RBM28: variants seen among roughly 807,000 people sequenced by gnomAD.
RBM28 encodes the protein RNA-binding protein 28.
Under a neutral mutation model 98.3 loss-of-function variants are expected in RBM28, and 78 were observed. That is an observed-to-expected ratio of 0.79 (90% CI 0.66 to 0.96). The LOEUF (loss-of-function observed/expected upper bound fraction) is 0.96. Among genes scored for constraint, RBM28 ranks in the 40% least tolerant of loss-of-function variants. The pLI, the probability that RBM28 is intolerant of heterozygous loss-of-function variation, is 0.00. For synonymous variants in RBM28, 306 were observed against 330.9 expected, an observed-to-expected ratio of 0.92 and a Z score of 0.82; for missense variants, 838 against 913.0, an observed-to-expected ratio of 0.92 and a Z score of 1.06.
intron 13 of RBM28, 105 bp downstream of exon 13, chr7:128,323,422 G>T: frequency 7.6e-7 from 1 of 1,311,222 alleles, no homozygotes. Context: ...AGTATGGTCT[G>T]TGACCATACT....
intron 13 of RBM28, among the ~76,000 whole-genome samples, chr7:128,322,136 T>C (rs1224649146): frequency 6.6e-6 from 1 of 152,108 alleles, no homozygotes; most frequent in African/African-American, 2.4e-5. Flanking sequence ...AGTCCTCATC[T>C]ACCCACCAGC....
Position 128,301,478 on chromosome 7 carries a change from C to T in RBM28, c.*9319G>A, listed in dbSNP as rs902272730. Reference sequence around the variant, plus strand: ...GACAGGGGCAACACCTGGCCTGGCACAAGGCTCTCCGCTTCTTGCCCTCAG... The same window carrying T: ...GACAGGGGCAACACCTGGCCTGGCATAAGGCTCTCCGCTTCTTGCCCTCAG... On this transcript the variant is annotated 3_prime_UTR_variant, in exon 19 of 19. Coordinates refer to ENST00000223073, the MANE Select transcript of RBM28 (RefSeq NM_018077.3). The T allele has an allele frequency of 3.3e-5, 5 of 152,408 alleles. No individual in the cohort carries two copies. The highest frequency in any genetic ancestry group is 1.2e-4 in the African/African-American group (5 of 41,464). 9.4% of individuals were successfully genotyped at this position (152,408 alleles called of 1,614,324 possible).
At chr7:128,321,160 C>T (rs371255711) in intron 14 of RBM28, 106 bp downstream of exon 14, 14 of 1,441,976 alleles carry the variant, frequency 9.7e-6, no homozygotes, top group African/African-American at 4.2e-5. Context: ...AGTGAGACTT[C>T]GTCTCAAAAC....
chr7:128,323,365 G>C (rs1173970310), intron 13 of RBM28, among the ~76,000 whole-genome samples, 162 bp downstream of exon 13: 1 of 152,194 alleles, frequency 6.6e-6, no homozygotes, highest in Non-Finnish European at 1.5e-5. Context: ...ATGATGTTGG[G>C]TTACTTGCTA....
In RBM28 at chr7:128,327,131, C is replaced by CA. The variant is rs1280524549; in HGVS notation, c.1130-1241dup. ...AGGGTGACAGAGCGAGACCTTGTCT[C>CA]AAAAAAAAGAAAGAAAAGAAAAGAA... On this transcript the variant is annotated intron_variant, in intron 10 of 18. Coordinates refer to ENST00000223073, the MANE Select transcript of RBM28 (RefSeq NM_018077.3). Among the ~76,000 whole-genome samples, 19 of 148,816 alleles carry CA rather than the reference C, an allele frequency of 1.3e-4. No individual in the cohort carries two copies. In the East Asian group the frequency reaches 2.7e-3, roughly 21 times the overall value.
intron 9 of RBM28, among the ~76,000 whole-genome samples, chr7:128,332,583 C>G (rs1299635437): frequency 2.6e-5 from 4 of 152,152 alleles, no homozygotes; most frequent in Middle Eastern, 3.4e-3. Flanking sequence ...TCGAATTGCC[C>G]TCAAGTGATC....
Position 128,339,771 on chromosome 7 carries a change from A to C in RBM28, c.139T>G (p.Phe47Val). ...AGCATTGAAAAAGTGACATAGCCAAAGCCTCGACATGCCTTACTCCCTGGA... is the reference window on the plus strand; with the variant it reads ...AGCATTGAAAAAGTGACATAGCCAACGCCTCGACATGCCTTACTCCCTGGA... ...TEKGSKACRG[F>V]GYVTFSMLED... Residue 47 changes from phenylalanine (F) to valine (V), a missense_variant, in exon 2 of 19, where the codon TTT (phenylalanine) becomes GTT (valine). Phe to Val is a conservative substitution (Grantham distance 50, BLOSUM62 -1). Coordinates refer to ENST00000223073, the MANE Select transcript of RBM28 (RefSeq NM_018077.3). The C allele has an allele frequency of 6.2e-7, 1 of 1,614,128 alleles. No individual in the cohort carries two copies. Among genetic ancestry groups the C allele is most frequent in the Non-Finnish European group, 8.5e-7 (1 of 1,179,978 alleles).
chr7:128,321,011 CA>C (rs752726494), intron 14 of RBM28, among the ~76,000 whole-genome samples: 19 of 152,140 alleles, frequency 1.2e-4, no homozygotes, highest in Non-Finnish European at 2.2e-4. Context: ...ACTAAAAATA[CA>C]AAAATTAGCC....
Position 128,335,657 on chromosome 7 carries a change from C to G in RBM28, c.832G>C (p.Ala278Pro). ...QKRAVKRPAP[A>P]KSSDHSEEDS... ...TCCTCAGAATGATCACTGCTTTTTG[C>G]AGGGGCTGGTCTCTTGACTGCTCTG... Residue 278 changes from alanine to proline, a missense_variant, in exon 8 of 19, where the codon GCA becomes CCA. Physicochemically the swap from Ala to Pro is conservative, Grantham distance 27 (BLOSUM62 -1). Transcript: ENST00000223073. The G allele has an allele frequency of 6.2e-7, 1 of 1,614,166 alleles. No homozygotes were observed. Among genetic ancestry groups the G allele is most frequent in the Non-Finnish European group, 8.5e-7 (1 of 1,180,022 alleles).
chr7:128,323,230 TCTGA>T (rs563857133), intron 13 of RBM28, among the ~76,000 whole-genome samples: 101 of 152,342 alleles, frequency 6.6e-4, no homozygotes, highest in African/African-American at 2.2e-3. Flanking sequence ...AGCAATAGCC[TCTGA>T]CTGTCTACTG....
At position 128,335,563 on chromosome 7, in the gene RBM28, G is replaced by T; in HGVS notation, c.926C>A (p.Thr309Asn). The T allele has an allele frequency of 1.2e-6, 2 of 1,614,152 alleles. No homozygotes were observed. Among genetic ancestry groups the T allele is most frequent in the Non-Finnish European group, 1.7e-6 (2 of 1,180,030 alleles). The change falls in exon 8 of 19, where the codon ACT (threonine) becomes AAT (asparagine). Residue 309 changes from threonine to asparagine, a missense_variant. Coordinates refer to ENST00000223073, the MANE Select transcript of RBM28 (RefSeq NM_018077.3). ...CAAACCTTTATCCTCTTGCTCCTCA[G>T]TGCTGGTATCACTCTGAGCCAGTTC... Reference protein sequence around the residue: ...GEELAQSDTSTEEQEDKAVQV... With the variant: ...GEELAQSDTSNEEQEDKAVQV...
At chr7:128,338,468 CCA>C in intron 4 of RBM28, 126 bp from the exon 5 acceptor site, 1 of 823,296 alleles carries the variant, frequency 1.2e-6, no homozygotes, top group South Asian at 1.4e-5. Flanking sequence ...AGGCCCTTCC[CCA>C]AAGCAATTGC....
At chr7:128,328,946 C>CT (rs747646308) in intron 10 of RBM28, among the ~76,000 whole-genome samples, 337 of 140,346 alleles carry the variant, frequency 2.4e-3, no homozygotes, top group Middle Eastern at 3.7e-3. Context: ...TTATTCACAT[C>CT]TTTTTTTTTT....
intron 13 of RBM28, 72 bp from the exon 14 acceptor site, chr7:128,321,496 G>T: frequency 6.4e-7 from 1 of 1,570,880 alleles, no homozygotes; most frequent in Non-Finnish European, 8.7e-7. Flanking sequence ...TCTCCAAAAG[G>T]AAAGAATTAT....
rs1795760182 is a variant in RBM28, at chr7:128,300,041, CTGT to C, written c.*10753_*10755del. On this transcript the variant is annotated 3_prime_UTR_variant, in exon 19 of 19. Coordinates refer to ENST00000223073, the MANE Select transcript of RBM28 (RefSeq NM_018077.3). Reference sequence around the variant, plus strand: ...TCCAGAACCGTAAGGTGATAAATTTCTGTTGTTTAAGCCACCCAGCCTGTGGTA... The same window carrying C: ...TCCAGAACCGTAAGGTGATAAATTTCTGTTTAAGCCACCCAGCCTGTGGTA... 2 of 152,266 alleles carry C rather than the reference CTGT, an allele frequency of 1.3e-5. No homozygotes were observed. The highest frequency in any genetic ancestry group is 2.9e-5 in the Non-Finnish European group (2 of 68,062). The allele number at this position is 152,266 out of a possible 1,614,324, so 9.4% of individuals were successfully genotyped here.
chr7:128,312,685 C>A (rs559611394), intron 18 of RBM28, among the ~76,000 whole-genome samples: 1 of 152,096 alleles, frequency 6.6e-6, no homozygotes, highest in East Asian at 1.9e-4. Context: ...TCATACTAAC[C>A]AAGTATAAAA....
In RBM28 at chr7:128,330,963, C is replaced by A. The variant is rs530620624; in HGVS notation, c.1020-35G>T. 10 of 1,382,866 alleles carry A rather than the reference C, an allele frequency of 7.2e-6. No individual in the cohort carries two copies. The South Asian group carries it at 1.0e-4, about 14-fold the overall frequency. The allele number at this position is 1,382,866 out of a possible 1,614,324, so 85.7% of individuals were successfully genotyped here. ...ATAACCAGATGATCACAAGAAAAGT[C>A]AATTACATAAGTGAGATCCTATGTT... On this transcript the variant is annotated intron_variant, in intron 9 of 18. Transcript: ENST00000223073.
intron 11 of RBM28, 40 bp from the exon 12 acceptor site, chr7:128,324,734 C>T (rs751225569): frequency 6.2e-7 from 1 of 1,613,472 alleles, no homozygotes; most frequent in South Asian, 1.1e-5. Context: ...CACATAATGG[C>T]CGGGCACAGT....
chr7:128,320,903 C>A (rs1417655578), intron 14 of RBM28, among the ~76,000 whole-genome samples: 2 of 152,198 alleles, frequency 1.3e-5, no homozygotes, highest in Admixed American at 1.3e-4. Flanking sequence ...CAGTGGCTCA[C>A]GCCTGTAATC....
Sources: gnomAD v4.1 joint callset for allele counts (sites outside exome capture counted in the v4.1 genomes callset) on GRCh38, gnomAD v4.1.1 for gene constraint, MANE v1.5 for transcripts, NCBI Gene and HGNC (gene_info 2026-07-23, HGNC 2026-07-21) for gene names.